The following CHRM3 variants were observed in gnomAD, a reference collection of about 807,000 sequenced individuals.
CHRM3 encodes muscarinic acetylcholine receptor M3.
A neutral mutation model predicts 41.8 loss-of-function variants in CHRM3; 11 were observed. The observed-to-expected ratio is 0.26, with a 90% confidence interval of 0.17 to 0.44. The LOEUF is 0.44. Among genes scored for constraint, CHRM3 ranks in the 20% least tolerant of loss-of-function variants. The pLI is 1.00. For synonymous variants in CHRM3, 297 were observed against 301.4 expected, an observed-to-expected ratio of 0.99 and a Z score of 0.15; for missense variants, 571 against 745.4, an observed-to-expected ratio of 0.77 and a Z score of 2.72.
chr1:239,642,964 T>C (rs547526143), intron 4 of CHRM3, among the ~76,000 whole-genome samples: 303 of 152,308 alleles, frequency 2.0e-3, no homozygotes, highest in African/African-American at 6.8e-3. Flanking sequence ...CCTTTCTGTT[T>C]TTTAGTTTTC....
chr1:239,861,082 A>G (rs1278992378), intron 6 of CHRM3, among the ~76,000 whole-genome samples: 1 of 152,060 alleles, frequency 6.6e-6, no homozygotes, highest in Non-Finnish European at 1.5e-5. Context: ...TCTATCAGTA[A>G]CCTCTATTAT....
In CHRM3 at chr1:239,603,030, G is replaced by A. The variant is rs185096013; in HGVS notation, c.-312-29194G>A. On this transcript the variant is annotated intron_variant, in intron 3 of 6. Coordinates refer to ENST00000676153, the MANE Select transcript of CHRM3 (RefSeq NM_001375978.1). ...ATTTCCCCAATTCCTCCTTCCCCCA[G>A]CCTCTGGCAACCACCATTCCACTTT... Among the ~76,000 whole-genome samples the A allele has an allele frequency of 1.4e-3, 208 of 152,084 alleles. 2 individuals are homozygous for A. Among genetic ancestry groups the A allele is most frequent in the Non-Finnish European group, 1.4e-3 (98 of 68,002 alleles).
rs183892367 is a variant in CHRM3, at chr1:239,430,601, A to G, written c.-521+43374A>G. On this transcript the variant is annotated intron_variant, in intron 1 of 6. Coordinates refer to ENST00000676153, the MANE Select transcript of CHRM3 (RefSeq NM_001375978.1). ...AGTAAACTTGGTAGACCCAATTTTA[A>G]AAAGCAGTTTTCATACCTAAAATCA... Among the ~76,000 whole-genome samples the G allele has an allele frequency of 1.2e-4, 19 of 152,084 alleles. No homozygotes were observed. The East Asian group carries it at 3.7e-3, about 29-fold the overall frequency.
intron 4 of CHRM3, among the ~76,000 whole-genome samples, chr1:239,673,321 A>G (rs1674558579): frequency 6.6e-6 from 1 of 152,196 alleles, no homozygotes; most frequent in Non-Finnish European, 1.5e-5. Context: ...AGTCATATGC[A>G]ATAGCAATTC....
intron 5 of CHRM3, chr1:239,704,932 G>A (rs553041470): frequency 6.6e-6 from 1 of 152,300 alleles, no homozygotes; most frequent in East Asian, 1.9e-4. Flanking sequence ...GGGTGCGATG[G>A]GTTCACACCC....
chr1:239,672,739 C>G (rs1008527687), intron 4 of CHRM3, among the ~76,000 whole-genome samples: 11 of 152,024 alleles, frequency 7.2e-5, no homozygotes, highest in Non-Finnish European at 1.0e-4. Flanking sequence ...CTTTTTAATA[C>G]ATGCAAGTAT....
intron 5 of CHRM3, among the ~76,000 whole-genome samples, chr1:239,775,582 A>C (rs1668026254): frequency 6.6e-6 from 1 of 152,210 alleles, no homozygotes; most frequent in Non-Finnish European, 1.5e-5. Context: ...TTTTCTCTGG[A>C]TGTGTGTATA....
intron 3 of CHRM3, among the ~76,000 whole-genome samples, chr1:239,564,105 A>C (rs1193895038): frequency 6.6e-6 from 1 of 152,212 alleles, no homozygotes; most frequent in Non-Finnish European, 1.5e-5. Context: ...AGAATGAAGA[A>C]TTTTGAATAA....
intron 5 of CHRM3, among the ~76,000 whole-genome samples, chr1:239,786,248 T>C (rs1216954586): frequency 6.6e-6 from 1 of 152,178 alleles, no homozygotes; most frequent in Non-Finnish European, 1.5e-5. Flanking sequence ...CCCTCTCAGC[T>C]TTGTATAATT....
intron 5 of CHRM3, among the ~76,000 whole-genome samples, chr1:239,690,497 G>A (rs1659610407): frequency 6.6e-6 from 1 of 151,940 alleles, no homozygotes; most frequent in Admixed American, 6.6e-5. Context: ...CCAAAGTGCT[G>A]GGATTACAGG....
intron 1 of CHRM3, among the ~76,000 whole-genome samples, chr1:239,402,995 C>T (rs777892745): frequency 7.2e-5 from 11 of 152,074 alleles, no homozygotes; most frequent in African/African-American, 2.4e-4. Flanking sequence ...GTTAAATTTA[C>T]GGATGTGGAA....
intron 1 of CHRM3, among the ~76,000 whole-genome samples, chr1:239,470,103 G>A (rs534913878): frequency 6.6e-6 from 1 of 152,216 alleles, no homozygotes; most frequent in South Asian, 2.1e-4. Flanking sequence ...GATCATCCTG[G>A]ATTTAGGATG....
chr1:239,631,326 G>T (rs1330494600), intron 3 of CHRM3, among the ~76,000 whole-genome samples: 1 of 152,136 alleles, frequency 6.6e-6, no homozygotes, highest in Non-Finnish European at 1.5e-5. Context: ...CACTTGCTGA[G>T]AAAAATCCCT....
chr1:239,473,652 TAGGTAAACTG>T (rs1479284361), intron 1 of CHRM3, among the ~76,000 whole-genome samples: 1 of 152,152 alleles, frequency 6.6e-6, no homozygotes, highest in Non-Finnish European at 1.5e-5. Flanking sequence ...GAAAAGAAGA[TAGGTAAACTG>T]TGGCGCCTTA....
intron 5 of CHRM3, among the ~76,000 whole-genome samples, chr1:239,730,158 A>G (rs1043228249): frequency 2.6e-5 from 4 of 152,040 alleles, no homozygotes; most frequent in Admixed American, 1.3e-4. Flanking sequence ...TAAAAACTGT[A>G]TAGTTGGTTT....
intron 6 of CHRM3, among the ~76,000 whole-genome samples, chr1:239,836,311 C>G (rs1393422813): frequency 6.6e-6 from 1 of 152,122 alleles, no homozygotes; most frequent in Non-Finnish European, 1.5e-5. Flanking sequence ...TTTCTCCATT[C>G]TGTTACATAA....
At chr1:239,776,934 C>A (rs1251761613) in intron 5 of CHRM3, among the ~76,000 whole-genome samples, 1 of 152,154 alleles carries the variant, frequency 6.6e-6, no homozygotes, top group African/African-American at 2.4e-5. Flanking sequence ...ATGGAGGTAA[C>A]CATCCCCATG....
intron 3 of CHRM3, among the ~76,000 whole-genome samples, chr1:239,606,553 C>T (rs1182333529): frequency 2.0e-5 from 3 of 152,266 alleles, no homozygotes; most frequent in East Asian, 1.9e-4. Context: ...GGATTATAGG[C>T]GTGAGCCATC....
intron 1 of CHRM3, among the ~76,000 whole-genome samples, chr1:239,486,051 A>G (rs1667164607): frequency 6.6e-6 from 1 of 152,182 alleles, no homozygotes; most frequent in Non-Finnish European, 1.5e-5. Context: ...GCAGGAGAGA[A>G]ATTTGGTGTG....
Sources: allele counts gnomAD v4.1 joint callset (sites outside exome capture counted in the v4.1 genomes callset), GRCh38; gene constraint gnomAD v4.1.1; transcripts MANE v1.5; gene names NCBI Gene and HGNC (gene_info 2026-07-23, HGNC 2026-07-21).